NBEA: variants seen among roughly 807,000 people sequenced by gnomAD.
NBEA encodes the protein neurobeachin.
A neutral mutation model predicts 343.4 loss-of-function variants in NBEA; 44 were observed. The ratio of observed to expected loss-of-function variants is 0.13; its 90% CI spans 0.10 to 0.16. The LOEUF is 0.16. Ranked by LOEUF, NBEA falls within the 10% of genes least tolerant of loss-of-function variation. The probability of loss-of-function intolerance (pLI) is 1.00; values close to 1 mark genes in which losing one functional copy is unlikely to be tolerated. For missense variants in NBEA, 2,555 were observed against 3,631.3 expected, an observed-to-expected ratio of 0.70 and a Z score of 7.62; for synonymous variants, 1,175 against 1,238.7, an observed-to-expected ratio of 0.95 and a Z score of 1.08.
At chr13:35,405,143 CAT>C (rs1218411372) in intron 38 of NBEA, among the ~76,000 whole-genome samples, 2 of 152,180 alleles carry the variant, frequency 1.3e-5, no homozygotes, top group East Asian at 3.9e-4. Context: ...TTTTTGAAAA[CAT>C]ATTGTTGTAG....
At chr13:35,210,607 G>T (rs2073706588) in intron 32 of NBEA, among the ~76,000 whole-genome samples, 1 of 152,106 alleles carries the variant, frequency 6.6e-6, no homozygotes, top group African/African-American at 2.4e-5. Context: ...CTTAAGCAGT[G>T]ATCTTATCAA....
chr13:35,443,959 G>A (rs1342860993), intron 39 of NBEA, among the ~76,000 whole-genome samples: 1 of 151,852 alleles, frequency 6.6e-6, no homozygotes, highest in Non-Finnish European at 1.5e-5. Context: ...AAGGAAGGAC[G>A]CACTTAATAA....
At chr13:35,571,436 A>G (rs2080415453) in intron 45 of NBEA, among the ~76,000 whole-genome samples, 1 of 152,196 alleles carries the variant, frequency 6.6e-6, no homozygotes, top group African/African-American at 2.4e-5. Flanking sequence ...TCTGTGTCAC[A>G]TATTGTGCAA....
intron 24 of NBEA, among the ~76,000 whole-genome samples, chr13:35,167,249 T>C (rs999429874): frequency 1.3e-5 from 2 of 151,986 alleles, no homozygotes; most frequent in African/African-American, 2.4e-5. Flanking sequence ...TAAACAAATA[T>C]TTTTTGTCTG....
chr13:35,655,809 T>A, intron 55 of NBEA, 60 bp downstream of exon 55: 1 of 1,464,310 alleles, frequency 6.8e-7, no homozygotes, highest in Non-Finnish European at 9.2e-7. Flanking sequence ...ATATTTTGCC[T>A]TTTTGATTTT....
chr13:35,534,489 A>G (rs1358518011), intron 41 of NBEA, among the ~76,000 whole-genome samples: 4 of 152,198 alleles, frequency 2.6e-5, no homozygotes, highest in Non-Finnish European at 5.9e-5. Context: ...TCTCAATGGC[A>G]TCACATTCCT....
intron 31 of NBEA, among the ~76,000 whole-genome samples, chr13:35,205,246 G>A (rs1229254027): frequency 6.6e-6 from 1 of 152,124 alleles, no homozygotes; most frequent in East Asian, 1.9e-4. Context: ...TAATGTAGGT[G>A]CAGAAAAAGA....
chr13:35,652,512 G>A (rs1444955620), intron 53 of NBEA, among the ~76,000 whole-genome samples: 6 of 149,874 alleles, frequency 4.0e-5, no homozygotes, highest in African/African-American at 1.2e-4. Flanking sequence ...GCGGTGGCGG[G>A]CACCTGTAGT....
chr13:35,502,762 G>A (rs1214351034), intron 41 of NBEA, among the ~76,000 whole-genome samples: 19 of 151,974 alleles, frequency 1.3e-4, no homozygotes, highest in Admixed American at 7.2e-4. Flanking sequence ...CAGCACATCC[G>A]TGCTTATGTC....
Position 35,660,131 on chromosome 13 carries a change from A to G in NBEA, c.8362+4382A>G, listed in dbSNP as rs574274382. ...TGGAATCCCTAGAGTCCAAAATTTC[A>G]TTGATCTTAGGACTTGACATTTCTC... On this transcript the variant is annotated intron_variant, in intron 55 of 58. Coordinates refer to ENST00000379939, the MANE Select transcript of NBEA (RefSeq NM_001385012.1). Among the ~76,000 whole-genome samples the G allele has an allele frequency of 3.9e-5, 6 of 152,270 alleles. No individual in the cohort carries two copies. In the South Asian group the frequency reaches 1.2e-3, roughly 32 times the overall value.
In NBEA at chr13:35,156,440, A is replaced by G. The variant is rs59069431; in HGVS notation, c.2651+234A>G. Reference sequence around the variant, plus strand: ...TTTAATTGTATATATGAATATACATATAAACAAACTCTTATTTAGAATGTA... The same window carrying G: ...TTTAATTGTATATATGAATATACATGTAAACAAACTCTTATTTAGAATGTA... On this transcript the variant is annotated intron_variant, in intron 20 of 58. Transcript: ENST00000379939. Among the ~76,000 whole-genome samples the G allele has an allele frequency of 0.028, 4,225 of 152,204 alleles. 86 individuals carry two copies. Among genetic ancestry groups the G allele is most frequent in the South Asian group, 0.074 (359 of 4,822 alleles).
intron 1 of NBEA, among the ~76,000 whole-genome samples, chr13:34,987,602 T>G (rs1317612017): frequency 6.6e-6 from 1 of 150,986 alleles, no homozygotes; most frequent in Non-Finnish European, 1.5e-5. Context: ...CCAACTTGGT[T>G]CCATTATCCC....
intron 1 of NBEA, among the ~76,000 whole-genome samples, chr13:35,022,840 A>G (rs1409266490): frequency 6.6e-6 from 1 of 152,162 alleles, no homozygotes; most frequent in Non-Finnish European, 1.5e-5. Context: ...GGCTATACAC[A>G]TAAATTACTC....
intron 38 of NBEA, among the ~76,000 whole-genome samples, chr13:35,429,363 G>A (rs1880623342): frequency 6.6e-6 from 1 of 152,114 alleles, no homozygotes; most frequent in South Asian, 2.1e-4. Flanking sequence ...TGTGATGTTT[G>A]GCTGGAGTAT....
intron 45 of NBEA, among the ~76,000 whole-genome samples, chr13:35,582,139 A>G (rs2081080991): frequency 6.6e-6 from 1 of 151,946 alleles, no homozygotes; most frequent in South Asian, 2.1e-4. Flanking sequence ...ACAAAAAATT[A>G]GCTGGGCATG....
chr13:35,623,359 T>C (rs1294774685), intron 48 of NBEA, among the ~76,000 whole-genome samples: 5 of 152,170 alleles, frequency 3.3e-5, no homozygotes, highest in Non-Finnish European at 5.9e-5. Context: ...TGTTATATTT[T>C]AATTATTGAT....
chr13:35,143,354 A>G (rs1231724800), intron 18 of NBEA, among the ~76,000 whole-genome samples: 1 of 152,218 alleles, frequency 6.6e-6, no homozygotes, highest in African/African-American at 2.4e-5. Context: ...ACAGTGTTTC[A>G]TGTACCACTT....
At chr13:35,127,960 A>G (rs548576590) in intron 17 of NBEA, among the ~76,000 whole-genome samples, 7 of 152,070 alleles carry the variant, frequency 4.6e-5, no homozygotes, top group African/African-American at 1.7e-4. Context: ...AAATATCACA[A>G]TTGATCACAG....
At chr13:35,323,581 G>A in intron 36 of NBEA, among the ~76,000 whole-genome samples, 1 of 124,914 alleles carries the variant, frequency 8.0e-6, no homozygotes, top group South Asian at 3.1e-4. Context: ...GGGGGGAGGG[G>A]GAGGGATAGC....
Sources: gnomAD v4.1 joint callset for allele counts (sites outside exome capture counted in the v4.1 genomes callset) on GRCh38, gnomAD v4.1.1 for gene constraint, MANE v1.5 for transcripts, NCBI Gene and HGNC (gene_info 2026-07-23, HGNC 2026-07-21) for gene names.